VDAC1: variants seen among roughly 807,000 people sequenced by gnomAD.
VDAC1 encodes the protein non-selective voltage-gated ion channel VDAC1.
In VDAC1, 10 loss-of-function variants were observed where a neutral mutation model predicts 34.7. The observed-to-expected ratio is 0.29, with a 90% CI of 0.18 to 0.49. VDAC1 has a LOEUF of 0.49. Ranked by LOEUF, VDAC1 falls within the 20% of genes least tolerant of loss-of-function variation. VDAC1 has a pLI of 0.99. For synonymous variants in VDAC1, 130 were observed against 136.0 expected (o/e 0.96, Z 0.30); for missense variants, 230 against 347.9 (o/e 0.66, Z 2.69).
the VDAC1 span, among the ~76,000 whole-genome samples, chr5:134,022,438 T>C: frequency 6.6e-6 from 1 of 152,166 alleles, no homozygotes; most frequent in African/African-American, 2.4e-5. Flanking sequence ...CATCCCATAG[T>C]GGAAGAGTAT....
At chr5:133,977,818 T>A (rs1220117522) in intron 6 of VDAC1, among the ~76,000 whole-genome samples, 1 of 152,172 alleles carries the variant, frequency 6.6e-6, no homozygotes, top group Non-Finnish European at 1.5e-5. Context: ...AATCACTGCT[T>A]TTCATAGGCC....
At chr5:134,087,433 T>C in the VDAC1 span, among the ~76,000 whole-genome samples, 2 of 151,930 alleles carry the variant, frequency 1.3e-5, no homozygotes, top group South Asian at 2.1e-4. Context: ...CCCAACCCCC[T>C]CCACTGAGGA....
upstream of VDAC1, among the ~76,000 whole-genome samples, chr5:134,009,160 G>T (rs551068290): frequency 4.0e-5 from 6 of 148,530 alleles, no homozygotes; most frequent in East Asian, 1.2e-3. Flanking sequence ...TGATTTTTAA[G>T]AATTTTGTAT....
chr5:134,083,983 C>T, the VDAC1 span, among the ~76,000 whole-genome samples: 1 of 152,198 alleles, frequency 6.6e-6, no homozygotes, highest in Non-Finnish European at 1.5e-5. Context: ...TGTGTGATCT[C>T]AGGCATGTGG....
At chr5:134,026,662 C>T in the VDAC1 span, among the ~76,000 whole-genome samples, 3 of 152,152 alleles carry the variant, frequency 2.0e-5, no homozygotes, top group African/African-American at 4.8e-5. Flanking sequence ...CAGGGCTTTA[C>T]CAGCCAAGCC....
the VDAC1 span, among the ~76,000 whole-genome samples, chr5:134,030,636 G>A: frequency 4.1e-5 from 6 of 146,422 alleles, no homozygotes; most frequent in East Asian, 2.0e-4. Flanking sequence ...TCACTCTGTC[G>A]CCCAAGCTGG....
chr5:134,019,578 TCAAA>T, the VDAC1 span, among the ~76,000 whole-genome samples: 67 of 152,148 alleles, frequency 4.4e-4, no homozygotes, highest in African/African-American at 1.1e-3. Flanking sequence ...AGACTCTGGC[TCAAA>T]CAAACAAACA....
At chr5:134,078,265 G>C in the VDAC1 span, among the ~76,000 whole-genome samples, 1 of 152,220 alleles carries the variant, frequency 6.6e-6, no homozygotes, top group African/African-American at 2.4e-5. Flanking sequence ...CACACAGACA[G>C]AGGAGGGAGA....
chr5:134,001,762 A>G (rs1753568010), intron 1 of VDAC1, among the ~76,000 whole-genome samples: 1 of 150,858 alleles, frequency 6.6e-6, no homozygotes. Context: ...GGCACAAGAC[A>G]GTGACTTGAC....
chr5:134,005,096 G>C (rs904116633), upstream of VDAC1: 11 of 152,274 alleles, frequency 7.2e-5, no homozygotes, highest in African/African-American at 2.7e-4. Context: ...GAGGCCTTCC[G>C]ATTCTCTGAG....
the VDAC1 span, among the ~76,000 whole-genome samples, chr5:134,108,225 G>A: frequency 2.0e-5 from 3 of 150,880 alleles, no homozygotes; most frequent in South Asian, 2.1e-4. Flanking sequence ...AAACCCGTCC[G>A]TCCCCACTCC....
chr5:134,004,466 CT>C, intron 1 of VDAC1: 1 of 152,464 alleles, frequency 6.6e-6, no homozygotes, highest in East Asian at 1.9e-4. Flanking sequence ...CCTGTGCGGC[CT>C]TCTCTGCCCG....
At chr5:134,048,077 C>T in the VDAC1 span, among the ~76,000 whole-genome samples, 1 of 152,076 alleles carries the variant, frequency 6.6e-6, no homozygotes, top group African/African-American at 2.4e-5. Flanking sequence ...ACACCATTCT[C>T]CTGCCTCAGC....
the VDAC1 span, among the ~76,000 whole-genome samples, chr5:134,014,283 C>G: frequency 1.3e-5 from 2 of 151,998 alleles, no homozygotes; most frequent in Non-Finnish European, 1.5e-5. Flanking sequence ...GAGTGAGACT[C>G]CGTCTCAAAA....
the VDAC1 span, among the ~76,000 whole-genome samples, chr5:134,020,224 G>C: frequency 6.6e-6 from 1 of 151,870 alleles, no homozygotes; most frequent in Non-Finnish European, 1.5e-5. Context: ...AGCCAGCATA[G>C]TCAGAGGCAG....
the VDAC1 span, among the ~76,000 whole-genome samples, chr5:134,080,190 C>A: frequency 1.3e-5 from 2 of 152,240 alleles, no homozygotes; most frequent in Non-Finnish European, 2.9e-5. Context: ...AAGAACCCAT[C>A]GTCAGACACG....
At chr5:134,002,930 C>T (rs1380471006) in intron 1 of VDAC1, among the ~76,000 whole-genome samples, 9 of 150,838 alleles carry the variant, frequency 6.0e-5, no homozygotes, top group African/African-American at 2.0e-4. Flanking sequence ...GGTGCCACCG[C>T]GCTCCAGACC....
Position 133,976,018 on chromosome 5 carries a change from A to T in VDAC1, c.555T>A (p.Asn185Lys), listed in dbSNP as rs756339025. 6.8e-6 allele frequency: 11 copies of T among 1,614,020 alleles called. No individual in the cohort carries two copies. In the Admixed American group the frequency reaches 1.8e-4, roughly 27 times the overall value. The stretch of plus-strand genomic sequence containing the variant: ...TGGAGCCGCCAAACTCTGTCCCGTC[A>T]TTCCTGCAAACAAGCACAGGACAGA... ...TDEFQLHTNV[N>K]DGTEFGGSIY... is the part of the protein sequence containing the mutation. Residue 185 changes from asparagine to lysine, a missense_variant, in exon 7 of 9, where the codon AAT becomes AAA. Asn to Lys is a moderately conservative substitution (Grantham distance 94). Coordinates refer to ENST00000265333, the MANE Select transcript of VDAC1 (RefSeq NM_003374.3).
At chr5:134,093,701 G>C in the VDAC1 span, among the ~76,000 whole-genome samples, 2 of 152,234 alleles carry the variant, frequency 1.3e-5, no homozygotes, top group African/African-American at 4.8e-5. Flanking sequence ...CTTCGATCAG[G>C]CTCAAAGCAG....
Sources: gnomAD v4.1 joint callset for allele counts (sites outside exome capture counted in the v4.1 genomes callset) on GRCh38, gnomAD v4.1.1 for gene constraint, MANE v1.5 for transcripts, NCBI Gene and HGNC (gene_info 2026-07-23, HGNC 2026-07-21) for gene names.